The following ANKRD11 variants were observed in gnomAD, a reference collection of about 807,000 sequenced individuals.
ANKRD11 encodes ankyrin repeat domain 11.
In ANKRD11, 17 loss-of-function variants were observed where a neutral mutation model predicts 195.7. That is an observed-to-expected ratio of 0.09 (90% CI 0.06 to 0.13). The LOEUF (loss-of-function observed/expected upper bound fraction) is 0.13. Ranked by LOEUF, ANKRD11 falls within the 10% of genes least tolerant of loss-of-function variation. The pLI is 1.00. For synonymous variants in ANKRD11, 1,953 were observed against 1,528.1 expected (o/e 1.28, Z -6.49); for missense variants, 3,735 against 3,566.1 (o/e 1.05, Z -1.21).
chr16:89,431,930 T>TGCC (rs2042995569), intron 1 of ANKRD11, among the ~76,000 whole-genome samples: 1 of 152,140 alleles, frequency 6.6e-6, no homozygotes, highest in African/African-American at 2.4e-5. Flanking sequence ...AGAAACCAGC[T>TGCC]GCCTCCTCCT....
intron 1 of ANKRD11, among the ~76,000 whole-genome samples, chr16:89,421,191 G>C (rs75047584): frequency 8.2e-6 from 1 of 122,618 alleles, no homozygotes; most frequent in South Asian, 3.3e-4. Flanking sequence ...GTCTGGGGGT[G>C]GGGGTGAGAC....
At position 89,285,207 on chromosome 16, in the gene ANKRD11, G is replaced by A; in HGVS notation, c.1335C>T (p.Ala445=). 6.2e-7 allele frequency: 1 copy of A among 1,613,572 alleles called. No individual in the cohort carries two copies. Among genetic ancestry groups the A allele is most frequent in the East Asian group, 2.2e-5 (1 of 44,878 alleles). Residue 445 remains alanine (A), a synonymous_variant, in exon 9 of 13, where the codon GCC becomes GCT. Transcript: ENST00000301030. This position sits in a 1 kb window ranked among gnomAD's most constrained non-coding sequence, Gnocchi z 5.6. The part of the protein sequence containing the change: ...PGSKTREPSN[A]KQQKEKNKVK... Reference sequence around the variant, plus strand: ...CTTTATTTTTTTCCTTCTGCTGCTTGGCATTAGAAGGCTCTCGTGTCTTAC... The same window carrying A: ...CTTTATTTTTTTCCTTCTGCTGCTTAGCATTAGAAGGCTCTCGTGTCTTAC...
intron 2 of ANKRD11, among the ~76,000 whole-genome samples, chr16:89,416,499 A>C (rs1378695077): frequency 6.6e-6 from 1 of 152,102 alleles, no homozygotes; most frequent in Non-Finnish European, 1.5e-5. Flanking sequence ...GGGTTTCACC[A>C]TGTTGGCAGG....
At chr16:89,375,156 A>G (rs1275879332) in intron 2 of ANKRD11, among the ~76,000 whole-genome samples, 1 of 152,084 alleles carries the variant, frequency 6.6e-6, no homozygotes, top group Non-Finnish European at 1.5e-5. Flanking sequence ...TGCACGCTGT[A>G]ATGATCTCAC....
chr16:89,279,582 C>T lies in ANKRD11; in HGVS notation c.6960G>A (p.Thr2320=), dbSNP rs755860697. The T allele has an allele frequency of 4.1e-6, 6 of 1,452,614 alleles. No homozygotes were observed. Among genetic ancestry groups the T allele is most frequent in the South Asian group, 2.7e-5 (2 of 74,282 alleles). 90.0% of individuals were successfully genotyped at this position (1,452,614 alleles called of 1,614,324 possible). A position where few individuals can be genotyped will look rare whatever the true frequency, so the allele number is the denominator to read the frequency against. Residue 2320 remains threonine, a synonymous_variant, in exon 9 of 13, where the codon ACG becomes ACA. Coordinates refer to ENST00000301030, the MANE Select transcript of ANKRD11 (RefSeq NM_013275.6). This position sits in a 1 kb window ranked among gnomAD's most constrained non-coding sequence, Gnocchi z 5.6. ...IQPEAAEPKP[T]AEAPKAPRVE... ...CTCGGGGGGCCTTCGGGGCTTCGGC[C>T]GTGGGTTTTGGTTCTGCGGCTTCCG...
At chr16:89,296,677 G>C (rs185498404) in intron 4 of ANKRD11, among the ~76,000 whole-genome samples, 1 of 152,232 alleles carries the variant, frequency 6.6e-6, no homozygotes, top group African/African-American at 2.4e-5. Context: ...GACCCTCTCA[G>C]AACAGCTTTC....
chr16:89,315,841 C>T (rs541853412), intron 3 of ANKRD11, among the ~76,000 whole-genome samples: 1 of 152,260 alleles, frequency 6.6e-6, no homozygotes, highest in South Asian at 2.1e-4. Context: ...GTTATGTTCG[C>T]GTGTGGAACC....
At chr16:89,272,158 ATCG>A (rs2033215981) in intron 11 of ANKRD11, 1 of 152,240 alleles carries the variant, frequency 6.6e-6, no homozygotes, top group Admixed American at 6.5e-5. Context: ...AACATCATTG[ATCG>A]TCAGAGAAAT....
rs114499606 is a variant in ANKRD11 at position 89,316,113 on chromosome 16, G to A, written c.87+820C>T. 1.0e-3 allele frequency among the ~76,000 whole-genome samples: 152 copies of A among 152,256 alleles called. 1 individual carries two copies. Among genetic ancestry groups the A allele is most frequent in the South Asian group, 4.8e-3 (23 of 4,820 alleles). Reference sequence around the variant, plus strand: ...GGCACGAGGATCAAAGGACGACAGCGACAGGATGGCAGGAGCTGACACACA... The same window carrying A: ...GGCACGAGGATCAAAGGACGACAGCAACAGGATGGCAGGAGCTGACACACA... On this transcript the variant is annotated intron_variant, in intron 3 of 12. Coordinates refer to ENST00000301030, the MANE Select transcript of ANKRD11 (RefSeq NM_013275.6).
chr16:89,382,208 T>C lies in ANKRD11; in HGVS notation c.-60+36076A>G, dbSNP rs370201707. Among the ~76,000 whole-genome samples, 16 of 152,252 alleles carry C rather than the reference T, an allele frequency of 1.1e-4. 1 individual carries two copies. Among genetic ancestry groups the C allele is most frequent in the African/African-American group, 3.6e-4 (15 of 41,532 alleles). On this transcript the variant is annotated intron_variant, in intron 2 of 12. Coordinates refer to ENST00000301030, the MANE Select transcript of ANKRD11 (RefSeq NM_013275.6). Reference sequence around the variant, plus strand: ...AGCCCTTGAACCCATCAAATGGATTTAAGGCCACTGACCAGGGCAGGAGTG... The same window carrying C: ...AGCCCTTGAACCCATCAAATGGATTCAAGGCCACTGACCAGGGCAGGAGTG...
intron 1 of ANKRD11, among the ~76,000 whole-genome samples, chr16:89,455,572 AG>A (rs1239805994): frequency 6.6e-6 from 1 of 152,098 alleles, no homozygotes; most frequent in African/African-American, 2.4e-5. Flanking sequence ...TCAACTCTTC[AG>A]AACTGTGGAG....
chr16:89,299,690 G>A (rs1409376107), intron 4 of ANKRD11: 1 of 201,970 alleles, frequency 5.0e-6, no homozygotes, highest in African/African-American at 2.9e-5. Context: ...TGCCCTGTGT[G>A]GGATGCCTGC....
At chr16:89,418,513 T>A (rs1391791008) in intron 1 of ANKRD11, 145 bp from the exon 2 acceptor site, 2 of 271,262 alleles carry the variant, frequency 7.4e-6, no homozygotes, top group Non-Finnish European at 1.5e-5. Context: ...TCCTGGTCAC[T>A]GTGCCAAGGC....
chr16:89,418,753 G>A (rs955389159), intron 1 of ANKRD11, among the ~76,000 whole-genome samples: 1 of 150,386 alleles, frequency 6.6e-6, no homozygotes, highest in Non-Finnish European at 1.5e-5. Context: ...AGTAAGCTAA[G>A]TTTTTAAAAG....
chr16:89,425,820 G>A (rs2042694537), intron 1 of ANKRD11, among the ~76,000 whole-genome samples: 2 of 152,192 alleles, frequency 1.3e-5, no homozygotes, highest in East Asian at 3.8e-4. Context: ...GTGAGCCTGA[G>A]GAGGAACTAG....
chr16:89,435,014 C>A (rs2043153422), intron 1 of ANKRD11, among the ~76,000 whole-genome samples: 1 of 152,174 alleles, frequency 6.6e-6, no homozygotes, highest in South Asian at 2.1e-4. Flanking sequence ...CAGCCACCAG[C>A]TCTTCATGAG....
chr16:89,317,738 T>C (rs977292542), intron 2 of ANKRD11, among the ~76,000 whole-genome samples: 3 of 152,178 alleles, frequency 2.0e-5, no homozygotes, highest in Admixed American at 6.5e-5. Flanking sequence ...CGAGGACACA[T>C]ACTGTATTAA....
intron 2 of ANKRD11, among the ~76,000 whole-genome samples, chr16:89,363,728 C>T (rs990343669): frequency 4.6e-5 from 7 of 152,150 alleles, no homozygotes; most frequent in South Asian, 4.1e-4. Context: ...CTGTGGTAGA[C>T]TGGAAGAACA....
chr16:89,481,232 A>G (rs1250563022), intron 1 of ANKRD11, among the ~76,000 whole-genome samples: 1 of 152,106 alleles, frequency 6.6e-6, no homozygotes, highest in Non-Finnish European at 1.5e-5. Context: ...TGTGCTTTCG[A>G]GTCCCCTTCC....
Sources: allele counts gnomAD v4.1 joint callset (sites outside exome capture counted in the v4.1 genomes callset), GRCh38; gene constraint gnomAD v4.1.1; non-coding constraint Gnocchi (gnomAD v3.1); transcripts MANE v1.5; gene names NCBI Gene and HGNC (gene_info 2026-07-23, HGNC 2026-07-21).